Variants in PLXNA4 observed in about 807,000 individuals in gnomAD.
PLXNA4 encodes plexin A4.
A neutral mutation model predicts 191.8 loss-of-function variants in PLXNA4; 44 were observed. The ratio of observed to expected loss-of-function variants is 0.23; its 90% CI spans 0.18 to 0.29. PLXNA4 has a LOEUF of 0.29. PLXNA4 is among the 10% of genes least tolerant of loss of function. PLXNA4 has a pLI of 1.00. For missense variants in PLXNA4, 1,800 were observed against 2,488.8 expected, an observed-to-expected ratio of 0.72 and a Z score of 5.89; for synonymous variants, 1,082 against 1,009.5, an observed-to-expected ratio of 1.07 and a Z score of -1.36.
At chr7:132,424,006 C>G (rs552428484) in intron 3 of PLXNA4, among the ~76,000 whole-genome samples, 85 of 152,248 alleles carry the variant, frequency 5.6e-4, no homozygotes, top group Admixed American at 7.8e-4. Context: ...TGGATCAGCT[C>G]CCAGAACATG....
chr7:132,597,330 A>G (rs934503913), intron 2 of PLXNA4, among the ~76,000 whole-genome samples: 1 of 152,222 alleles, frequency 6.6e-6, no homozygotes, highest in Non-Finnish European at 1.5e-5. Context: ...CTCAGATAGA[A>G]GTCACTACAT....
intron 3 of PLXNA4, among the ~76,000 whole-genome samples, chr7:132,394,925 C>CGTGGGACCA (rs1249645944): frequency 6.6e-6 from 1 of 152,224 alleles, no homozygotes; most frequent in Non-Finnish European, 1.5e-5. Context: ...TCAGGTGAGC[C>CGTGGGACCA]GTGGGACCAG....
intron 3 of PLXNA4, among the ~76,000 whole-genome samples, chr7:132,373,697 G>C (rs535547372): frequency 1.3e-5 from 2 of 152,268 alleles, no homozygotes; most frequent in African/African-American, 4.8e-5. Flanking sequence ...ACTAATTTTT[G>C]GCTTTTTAGC....
rs572031606 is a variant in PLXNA4 at position 132,255,249 on chromosome 7, C to T, written c.1504-14083G>A. ...ACAGGGGACCTGGGACCTGCTGCTG[C>T]TGGGACCTGGGCTGTGCAGTCTGAG... On this transcript the variant is annotated intron_variant, in intron 4 of 31. Transcript: ENST00000321063. 2.5e-3 allele frequency among the ~76,000 whole-genome samples: 387 copies of T among 152,276 alleles called. 3 individuals are homozygous for T. Among genetic ancestry groups the T allele is most frequent in the Non-Finnish European group, 3.7e-3 (253 of 68,018 alleles).
At chr7:132,537,688 G>A (rs185039124) in intron 1 of PLXNA4, among the ~76,000 whole-genome samples, 2 of 152,306 alleles carry the variant, frequency 1.3e-5, no homozygotes, top group Non-Finnish European at 1.5e-5. Context: ...GAGTGAGGAA[G>A]GCCAGACAGG....
intron 2 of PLXNA4, among the ~76,000 whole-genome samples, chr7:132,585,283 G>A (rs1314238894): frequency 1.3e-5 from 2 of 152,170 alleles, no homozygotes; most frequent in African/African-American, 4.8e-5. Flanking sequence ...CTAACACTCA[G>A]ACATGGTACA....
upstream of PLXNA4, among the ~76,000 whole-genome samples, chr7:132,579,702 G>A (rs919756739): frequency 7.9e-5 from 12 of 152,210 alleles, no homozygotes; most frequent in African/African-American, 1.7e-4. Flanking sequence ...GACCAGCCAC[G>A]GGCAGGTGAG....
intron 1 of PLXNA4, among the ~76,000 whole-genome samples, chr7:132,562,977 C>T (rs1585347552): frequency 9.8e-6 from 1 of 101,692 alleles, no homozygotes; most frequent in Non-Finnish European, 1.9e-5. Context: ...CCTCTCCCTC[C>T]TCCTCCTTCT....
At chr7:132,562,647 C>G (rs1380526307) in intron 1 of PLXNA4, among the ~76,000 whole-genome samples, 1 of 112,896 alleles carries the variant, frequency 8.9e-6, no homozygotes, top group Non-Finnish European at 1.8e-5. Context: ...CCTCTTTCTC[C>G]TCCTCCTCCT....
At chr7:132,616,407 C>G (rs184892537) in intron 2 of PLXNA4, among the ~76,000 whole-genome samples, 1 of 152,298 alleles carries the variant, frequency 6.6e-6, no homozygotes, top group African/African-American at 2.4e-5. Context: ...AACTGAGTCA[C>G]TTGAGGTCAA....
intron 3 of PLXNA4, among the ~76,000 whole-genome samples, chr7:132,448,899 G>C (rs542726559): frequency 3.3e-4 from 50 of 152,324 alleles, no homozygotes; most frequent in Non-Finnish European, 6.3e-4. Flanking sequence ...GCTAACTGTA[G>C]AGCTCATCAA....
chr7:132,393,482 C>T (rs1215276317), intron 3 of PLXNA4, among the ~76,000 whole-genome samples: 1 of 152,144 alleles, frequency 6.6e-6, no homozygotes, highest in African/African-American at 2.4e-5. Flanking sequence ...GGCTGATTAT[C>T]ATGGGAGCAC....
intron 1 of PLXNA4, among the ~76,000 whole-genome samples, chr7:132,540,778 G>A (rs563815358): frequency 8.0e-5 from 12 of 150,810 alleles, no homozygotes; most frequent in Middle Eastern, 3.2e-3. Context: ...TAGTAGAGAC[G>A]GTGTTTCACC....
chr7:132,353,734 T>C (rs948937397), intron 3 of PLXNA4, among the ~76,000 whole-genome samples: 8 of 152,154 alleles, frequency 5.3e-5, no homozygotes, highest in Non-Finnish European at 1.2e-4. Context: ...CTTGGTTCTA[T>C]GGTTGAGAGG....
At chr7:132,187,251 T>C (rs975552653) in intron 15 of PLXNA4, among the ~76,000 whole-genome samples, 2 of 152,280 alleles carry the variant, frequency 1.3e-5, no homozygotes, top group Middle Eastern at 3.4e-3. Flanking sequence ...ATCATACAAC[T>C]CCGATCTCCC....
intron 3 of PLXNA4, among the ~76,000 whole-genome samples, chr7:132,430,540 C>T (rs563666849): frequency 4.4e-4 from 67 of 152,212 alleles, no homozygotes; most frequent in African/African-American, 1.5e-3. Context: ...TTAGGGTATG[C>T]ACAGTTGGGG....
intron 3 of PLXNA4, among the ~76,000 whole-genome samples, chr7:132,320,871 T>C (rs1233797696): frequency 1.3e-5 from 2 of 152,192 alleles, no homozygotes; most frequent in Admixed American, 1.3e-4. Flanking sequence ...TAATAAGTTC[T>C]ACAGGTGGTC....
chr7:132,138,714 A>C (rs1220272933), intron 30 of PLXNA4, among the ~76,000 whole-genome samples: 3 of 152,202 alleles, frequency 2.0e-5, no homozygotes, highest in African/African-American at 2.4e-5. Flanking sequence ...ACTCCTAAAA[A>C]TAACCCAATG....
intron 2 of PLXNA4, among the ~76,000 whole-genome samples, chr7:132,496,918 G>A (rs1197192111): frequency 1.3e-5 from 2 of 152,126 alleles, no homozygotes; most frequent in Non-Finnish European, 2.9e-5. Context: ...CACTTAAGCT[G>A]GGCTTCTTCC....
Sources: allele counts gnomAD v4.1 joint callset (sites outside exome capture counted in the v4.1 genomes callset), GRCh38; gene constraint gnomAD v4.1.1; transcripts MANE v1.5; gene names NCBI Gene and HGNC (gene_info 2026-07-23, HGNC 2026-07-21).